The following MAGI1 variants were observed in gnomAD, a reference collection of about 807,000 sequenced individuals.
MAGI1 encodes membrane associated guanylate kinase, WW and PDZ domain containing 1, also known as membrane-associated guanylate kinase, WW and PDZ domain-containing protein 1.
Under a neutral mutation model 139.9 loss-of-function variants are expected in MAGI1, and 58 were observed. The observed-to-expected ratio is 0.41, with a 90% CI of 0.34 to 0.52. The LOEUF is 0.52. Among genes scored for constraint, MAGI1 ranks in the 20% least tolerant of loss-of-function variants. The pLI is 0.12. For missense variants in MAGI1, 1,874 were observed against 1,901.6 expected (o/e 0.99, Z 0.27); for synonymous variants, 812 against 737.9 (o/e 1.10, Z -1.63).
intron 1 of MAGI1, among the ~76,000 whole-genome samples, chr3:65,917,106 G>A (rs1232517821): frequency 1.3e-5 from 2 of 152,162 alleles, no homozygotes; most frequent in African/African-American, 4.8e-5. Flanking sequence ...CACATAAAGA[G>A]AGAAACATCT....
intron 1 of MAGI1, among the ~76,000 whole-genome samples, chr3:65,859,916 T>TG (rs35256880): frequency 0.14 from 21,114 of 151,118 alleles, 1,600 homozygotes; most frequent in African/African-American, 0.18. Context: ...GTTTTTTTTT[T>TG]TTTGAGACAC....
intron 2 of MAGI1, among the ~76,000 whole-genome samples, chr3:65,611,783 G>C (rs1368403597): frequency 6.6e-6 from 1 of 151,192 alleles, no homozygotes; most frequent in East Asian, 1.9e-4. Context: ...GAAAGAAACA[G>C]TGGTGGTTAT....
intron 1 of MAGI1, among the ~76,000 whole-genome samples, chr3:65,890,905 T>C (rs920634288): frequency 6.6e-6 from 1 of 152,350 alleles, no homozygotes; most frequent in African/African-American, 2.4e-5. Context: ...TCGCCTCGTT[T>C]GTTTAGACAA....
At chr3:65,464,810 T>C (rs1391221397) in intron 5 of MAGI1, among the ~76,000 whole-genome samples, 1 of 148,896 alleles carries the variant, frequency 6.7e-6, no homozygotes, top group Non-Finnish European at 1.5e-5. Context: ...TTGTTTGTAA[T>C]TTTCTTTTTG....
At chr3:65,695,799 T>C (rs1055124238) in intron 1 of MAGI1, among the ~76,000 whole-genome samples, 3 of 152,192 alleles carry the variant, frequency 2.0e-5, no homozygotes, top group African/African-American at 7.2e-5. Context: ...CGGGAAGTTG[T>C]CCCAGTCAAC....
chr3:65,753,277 G>C (rs950858675), intron 1 of MAGI1, among the ~76,000 whole-genome samples: 1 of 152,134 alleles, frequency 6.6e-6, no homozygotes, highest in Non-Finnish European at 1.5e-5. Flanking sequence ...GTCAGAATTT[G>C]TGGTATTATA....
intron 2 of MAGI1, 56 bp downstream of exon 2, chr3:65,621,916 T>TCC: frequency 2.0e-6 from 2 of 997,744 alleles, no homozygotes; most frequent in Non-Finnish European, 1.4e-6. Flanking sequence ...CCCTGGACTT[T>TCC]TCACACACAC....
At chr3:65,488,078 G>GTGCT (rs940272568) in intron 3 of MAGI1, among the ~76,000 whole-genome samples, 1 of 152,300 alleles carries the variant, frequency 6.6e-6, no homozygotes, top group African/African-American at 2.4e-5. Context: ...GAAACAGGGT[G>GTGCT]TGCTTGCTTC....
At chr3:65,848,666 C>G (rs143426564) in intron 1 of MAGI1, among the ~76,000 whole-genome samples, 43 of 151,846 alleles carry the variant, frequency 2.8e-4, no homozygotes, top group African/African-American at 8.7e-4. Context: ...AGATGAAAAA[C>G]CTATAGCTTA....
intron 16 of MAGI1, among the ~76,000 whole-genome samples, chr3:65,380,240 C>G (rs142718792): frequency 6.6e-6 from 1 of 152,212 alleles, no homozygotes; most frequent in African/African-American, 2.4e-5. Context: ...ATAGCCAACA[C>G]CGTAGGTGGA....
intron 1 of MAGI1, among the ~76,000 whole-genome samples, chr3:65,675,109 C>G (rs563543882): frequency 6.6e-6 from 1 of 152,148 alleles, no homozygotes; most frequent in Non-Finnish European, 1.5e-5. Flanking sequence ...ATCTCCCCAA[C>G]AAAACTTCAA....
At chr3:65,437,820 T>C (rs1947955234) in intron 9 of MAGI1, among the ~76,000 whole-genome samples, 1 of 152,204 alleles carries the variant, frequency 6.6e-6, no homozygotes, top group African/African-American at 2.4e-5. Flanking sequence ...GCTAACATAT[T>C]CAATTGTACA....
At chr3:65,775,934 CCT>C (rs964614383) in intron 1 of MAGI1, among the ~76,000 whole-genome samples, 37 of 128,110 alleles carry the variant, frequency 2.9e-4, no homozygotes, top group African/African-American at 1.0e-3. Flanking sequence ...AGAGTGAGAC[CCT>C]GTCTTTAAAA....
chr3:65,538,435 C>T (rs1395513414), intron 2 of MAGI1, among the ~76,000 whole-genome samples: 2 of 152,196 alleles, frequency 1.3e-5, no homozygotes, highest in African/African-American at 2.4e-5. Flanking sequence ...ACCTCCTTCT[C>T]TGTCATCCAA....
chr3:65,819,296 CA>C (rs1352034688), intron 1 of MAGI1, among the ~76,000 whole-genome samples: 1 of 151,800 alleles, frequency 6.6e-6, no homozygotes, highest in South Asian at 2.1e-4. Flanking sequence ...AAAAAACAAA[CA>C]AACAAACAAC....
chr3:65,897,836 C>A (rs2061044169), intron 1 of MAGI1, among the ~76,000 whole-genome samples: 1 of 150,810 alleles, frequency 6.6e-6, no homozygotes. Context: ...GCACTCCAGC[C>A]TGAGCAACAG....
chr3:65,527,521 C>G (rs948095126), intron 2 of MAGI1, among the ~76,000 whole-genome samples: 1 of 152,028 alleles, frequency 6.6e-6, no homozygotes, highest in Middle Eastern at 3.2e-3. Flanking sequence ...GTCAGGAGAT[C>G]GAGACCATCC....
chr3:65,561,066 CT>C (rs1259600256), intron 2 of MAGI1, among the ~76,000 whole-genome samples: 1 of 152,136 alleles, frequency 6.6e-6, no homozygotes, highest in Non-Finnish European at 1.5e-5. Context: ...AGACCTGGTA[CT>C]TTCCCTGTTT....
intron 6 of MAGI1, 148 bp downstream of exon 6, chr3:65,453,110 T>C: frequency 4.5e-6 from 3 of 672,154 alleles, no homozygotes; most frequent in Non-Finnish European, 5.3e-6. Flanking sequence ...CTTCCTGCTT[T>C]TGTAAACCAC....
Sources: gnomAD v4.1 joint callset for allele counts (sites outside exome capture counted in the v4.1 genomes callset) on GRCh38, gnomAD v4.1.1 for gene constraint, MANE v1.5 for transcripts, NCBI Gene and HGNC (gene_info 2026-07-23, HGNC 2026-07-21) for gene names.